TMEM135: variants seen among roughly 807,000 people sequenced by gnomAD.
TMEM135 encodes the protein transmembrane protein 135, also known as peroxisomal membrane protein 52.
TMEM135 carries 30 observed loss-of-function variants against 60.3 expected under a neutral mutation model. The ratio of observed to expected loss-of-function variants is 0.50; its 90% CI spans 0.37 to 0.68. The LOEUF (loss-of-function observed/expected upper bound fraction) is 0.68, where lower values mean the gene tolerates loss of function less well. TMEM135 is among the 30% of genes least tolerant of loss of function. TMEM135 has a pLI of 0.00. For synonymous variants in TMEM135, 190 were observed against 186.7 expected, an observed-to-expected ratio of 1.02 and a Z score of -0.14; for missense variants, 468 against 548.8, an observed-to-expected ratio of 0.85 and a Z score of 1.47.
At chr11:87,116,676 AC>A (rs1857892473) in intron 4 of TMEM135, among the ~76,000 whole-genome samples, 1 of 151,958 alleles carries the variant, frequency 6.6e-6, no homozygotes, top group Non-Finnish European at 1.5e-5. Context: ...GTATAGGCAT[AC>A]CTCAAAGATA....
At chr11:87,090,185 T>TTTATATCACCAA (rs1857177364) in intron 3 of TMEM135, among the ~76,000 whole-genome samples, 2 of 152,142 alleles carry the variant, frequency 1.3e-5, no homozygotes, top group Non-Finnish European at 2.9e-5. Flanking sequence ...AATGTTATAT[T>TTTATATCACCAA]TTATATATTG....
chr11:87,164,722 T>C (rs1938991730), intron 5 of TMEM135, among the ~76,000 whole-genome samples: 1 of 69,050 alleles, frequency 1.4e-5, no homozygotes, highest in Non-Finnish European at 2.5e-5. Context: ...CCTTGAGCAG[T>C]GGTTTGTAGT....
chr11:87,217,793 A>T (rs576455442), intron 5 of TMEM135, among the ~76,000 whole-genome samples: 22 of 152,206 alleles, frequency 1.4e-4, no homozygotes, highest in African/African-American at 5.1e-4. Flanking sequence ...TCAAAAAAAA[A>T]AAAAGAAGGT....
At chr11:87,158,756 G>A (rs1275783354) in intron 5 of TMEM135, among the ~76,000 whole-genome samples, 3 of 152,122 alleles carry the variant, frequency 2.0e-5, no homozygotes, top group South Asian at 2.1e-4. Flanking sequence ...GAGCCACCGC[G>A]CCCGGCCTAA....
chr11:87,291,515 A>ATTTTTTT lies in TMEM135; in HGVS notation c.510-4239_510-4233dup, dbSNP rs869273724. On this transcript the variant is annotated intron_variant, in intron 6 of 14. Transcript: ENST00000305494. ...TGTAAGTCTATCCAGCAGCCAAGTG[A>ATTTTTTT]TTTTTTTTTTTTTTTTTTTTTTTTT... 4.0e-4 allele frequency among the ~76,000 whole-genome samples: 20 copies of ATTTTTTT among 50,572 alleles called. 2 individuals carry two copies. Among genetic ancestry groups the ATTTTTTT allele is most frequent in the Admixed American group, 7.6e-4 (2 of 2,628 alleles). 33.2% of individuals were successfully genotyped at this position (50,572 alleles called of 152,430 possible).
intron 6 of TMEM135, among the ~76,000 whole-genome samples, chr11:87,240,620 CT>C (rs1466189263): frequency 6.6e-6 from 1 of 151,992 alleles, no homozygotes; most frequent in East Asian, 1.9e-4. Flanking sequence ...AACTATTGCA[CT>C]TAACCCTACT....
At chr11:87,126,513 CT>C (rs556404264) in intron 4 of TMEM135, among the ~76,000 whole-genome samples, 13 of 150,908 alleles carry the variant, frequency 8.6e-5, no homozygotes, top group South Asian at 4.2e-4. Flanking sequence ...ATACTGTGTT[CT>C]TTTTTTTGGA....
chr11:87,218,055 G>A (rs1940539535), intron 5 of TMEM135, among the ~76,000 whole-genome samples: 5 of 152,046 alleles, frequency 3.3e-5, no homozygotes, highest in African/African-American at 9.7e-5. Flanking sequence ...AAGACATTTG[G>A]CTATGTTTGG....
chr11:87,149,980 G>A (rs1456036515), intron 4 of TMEM135, among the ~76,000 whole-genome samples: 1 of 152,142 alleles, frequency 6.6e-6, no homozygotes, highest in Non-Finnish European at 1.5e-5. Flanking sequence ...ACTTTGGGAG[G>A]CCAAAGCGGG....
chr11:87,053,686 T>C (rs566866804), intron 1 of TMEM135, among the ~76,000 whole-genome samples: 2 of 152,214 alleles, frequency 1.3e-5, no homozygotes, highest in African/African-American at 4.8e-5. Flanking sequence ...ATAGAATGCC[T>C]AATAGTGGTT....
chr11:87,225,802 T>C (rs1468897142), intron 5 of TMEM135, among the ~76,000 whole-genome samples: 7 of 152,122 alleles, frequency 4.6e-5, no homozygotes, highest in African/African-American at 1.7e-4. Context: ...GCTACTTAAA[T>C]ATTCTGTGAT....
intron 1 of TMEM135, among the ~76,000 whole-genome samples, chr11:87,038,609 CTTTTTT>C (rs3045930): frequency 2.0e-4 from 23 of 113,924 alleles, no homozygotes; most frequent in African/African-American, 6.0e-4. Flanking sequence ...TTTTATTTTG[CTTTTTT>C]TTTTTTTTTT....
intron 1 of TMEM135, among the ~76,000 whole-genome samples, chr11:87,061,436 CTACTT>C (rs1314625869): frequency 1.3e-5 from 2 of 152,272 alleles, no homozygotes; most frequent in African/African-American, 2.4e-5. Flanking sequence ...CTGAGAAACT[CTACTT>C]TAAAGAAATC....
intron 5 of TMEM135, among the ~76,000 whole-genome samples, chr11:87,234,859 A>G (rs1388411982): frequency 2.0e-5 from 3 of 151,760 alleles, no homozygotes; most frequent in Admixed American, 6.6e-5. Context: ...ATAGGTTAGC[A>G]TATTAGGATA....
chr11:87,063,156 ATTTG>A (rs1360808868), intron 1 of TMEM135, among the ~76,000 whole-genome samples: 4 of 152,272 alleles, frequency 2.6e-5, no homozygotes, highest in African/African-American at 9.6e-5. Flanking sequence ...ACATTCTAGT[ATTTG>A]TTCTGTATGT....
chr11:87,238,801 C>T (rs539683053), intron 6 of TMEM135, among the ~76,000 whole-genome samples: 3 of 152,076 alleles, frequency 2.0e-5, no homozygotes, highest in African/African-American at 7.2e-5. Context: ...TCGTAAAAAG[C>T]TTAAAAACTA....
chr11:87,182,593 G>C (rs1939545318), intron 5 of TMEM135, among the ~76,000 whole-genome samples: 1 of 151,986 alleles, frequency 6.6e-6, no homozygotes, highest in Non-Finnish European at 1.5e-5. Flanking sequence ...TAAAACAATT[G>C]ACCTTAATGT....
At chr11:87,256,100 C>G (rs1941523472) in intron 6 of TMEM135, among the ~76,000 whole-genome samples, 1 of 152,106 alleles carries the variant, frequency 6.6e-6, no homozygotes, top group Admixed American at 6.6e-5. Flanking sequence ...GTTAGGACAA[C>G]CTTTTAATGG....
chr11:87,240,590 GAATC>G (rs1386994033), intron 6 of TMEM135, among the ~76,000 whole-genome samples: 1 of 151,818 alleles, frequency 6.6e-6, no homozygotes, highest in Non-Finnish European at 1.5e-5. Flanking sequence ...GCAAAAGAAA[GAATC>G]AACAATAAAC....
Sources: gnomAD v4.1 joint callset for allele counts (sites outside exome capture counted in the v4.1 genomes callset) on GRCh38, gnomAD v4.1.1 for gene constraint, MANE v1.5 for transcripts, NCBI Gene and HGNC (gene_info 2026-07-23, HGNC 2026-07-21) for gene names.